The following DYNC2I2 variants were observed in gnomAD, a reference collection of about 807,000 sequenced individuals.
The protein encoded by DYNC2I2 is dynein 2 intermediate chain 2.
DYNC2I2 carries 39 observed loss-of-function variants against 52.0 expected under a neutral mutation model. The observed-to-expected ratio is 0.75, with a 90% CI of 0.58 to 0.98. The LOEUF is 0.98. Ranked by LOEUF, DYNC2I2 falls within the 50% of genes least tolerant of loss-of-function variation. The pLI is 0.00. For missense variants in DYNC2I2, 743 were observed against 728.4 expected (o/e 1.02, Z -0.23); for synonymous variants, 359 against 321.1 (o/e 1.12, Z -1.26).
intron 6 of DYNC2I2, 36 bp from the exon 7 acceptor site, chr9:128,634,957 G>A (rs1860354816): frequency 1.9e-6 from 3 of 1,606,732 alleles, no homozygotes; most frequent in Non-Finnish European, 2.5e-6. Flanking sequence ...TCAGAGCCAA[G>A]GGCATCAGAT....
At chr9:128,681,933 C>G in the DYNC2I2 span, among the ~76,000 whole-genome samples, 5 of 152,136 alleles carry the variant, frequency 3.3e-5, no homozygotes, top group Admixed American at 3.3e-4. Context: ...ATTAGTCACG[C>G]CTAGTGGCGG....
At chr9:128,658,720 A>G (rs375293952), upstream of DYNC2I2, among the ~76,000 whole-genome samples, 3 of 99,812 alleles carry the variant, frequency 3.0e-5, no homozygotes, top group Non-Finnish European at 6.3e-5. Context: ...CACCTGACCT[A>G]ATTTTTTTTT....
intron 8 of DYNC2I2, 41 bp from the exon 9 acceptor site, chr9:128,634,023 G>C: frequency 6.2e-6 from 10 of 1,605,878 alleles, no homozygotes; most frequent in Non-Finnish European, 8.5e-6. Context: ...AGAAACTCTA[G>C]AGACCAACCA....
chr9:128,663,053 C>T, the DYNC2I2 span: 1 of 152,272 alleles, frequency 6.6e-6, no homozygotes. Flanking sequence ...GCCTCAGCCT[C>T]CCAAAGTGCT....
At chr9:128,643,690 C>T (rs1459697950) in intron 1 of DYNC2I2, among the ~76,000 whole-genome samples, 2 of 152,136 alleles carry the variant, frequency 1.3e-5, no homozygotes, top group Non-Finnish European at 1.5e-5. Flanking sequence ...AAGTAAAGCC[C>T]AAGACGACGT....
intron 4 of DYNC2I2, 104 bp from the exon 5 acceptor site, chr9:128,635,871 G>A (rs1018600082): frequency 9.2e-6 from 10 of 1,092,894 alleles, no homozygotes; most frequent in South Asian, 5.7e-5. Context: ...GCCAGGGCCA[G>A]GCGGCAGAGC....
At chr9:128,673,793 A>G in the DYNC2I2 span, among the ~76,000 whole-genome samples, 1 of 146,978 alleles carries the variant, frequency 6.8e-6, no homozygotes, top group Non-Finnish European at 1.5e-5. Flanking sequence ...GGCGTGAGCT[A>G]CCGCACCCAG....
upstream of DYNC2I2, among the ~76,000 whole-genome samples, chr9:128,661,304 C>CAAAAA (rs34937317): frequency 1.6e-5 from 1 of 62,224 alleles, no homozygotes; most frequent in Admixed American, 2.0e-4. Context: ...GACTCCATCT[C>CAAAAA]AAAAAAAAAA....
chr9:128,634,867 C>G lies in DYNC2I2; in HGVS notation c.1036G>C (p.Asp346His). 1.2e-6 allele frequency: 2 copies of G among 1,613,484 alleles called. No homozygotes were observed. The highest frequency in any genetic ancestry group is 1.1e-5 in the South Asian group (1 of 91,060). Residue 346 changes from aspartate (D) to histidine (H), a missense_variant, in exon 7 of 9, where the codon GAC (aspartate) becomes CAC (histidine). Coordinates refer to ENST00000372715, the MANE Select transcript of DYNC2I2 (RefSeq NM_052844.4). The stretch of plus-strand genomic sequence containing the variant: ...GTGCCCAGAATGAACAGCCTAGGGT[C>G]AAAGCTGGAGAAGGCCACTGCCGTG... ...GATAVAFSSF[D>H]PRLFILGTEG...
Position 128,634,374 on chromosome 9 carries a change from G to A in DYNC2I2, c.1224C>T (p.Phe408=). ...CATGCCCGTCAGTCCCAGCGCTCAG[G>A]AAGAGATTCCTAGACGGGATGCAGG... ...VSCSPFHRNL[F]LSAGTDGHVH... Residue 408 remains phenylalanine (F), a synonymous_variant, in exon 8 of 9, where the codon TTC becomes TTT. Coordinates refer to ENST00000372715, the MANE Select transcript of DYNC2I2 (RefSeq NM_052844.4). 6.3e-7 allele frequency: 1 copy of A among 1,591,134 alleles called. No individual in the cohort carries two copies. The highest frequency in any genetic ancestry group is 8.5e-7 in the Non-Finnish European group (1 of 1,169,830).
intron 5 of DYNC2I2, 74 bp downstream of exon 5, chr9:128,635,584 C>T: frequency 7.2e-7 from 1 of 1,382,760 alleles, no homozygotes; most frequent in Non-Finnish European, 1.0e-6. Context: ...CCCGGGTGAC[C>T]TTCCTAGGAG....
At chr9:128,681,931 C>T in the DYNC2I2 span, among the ~76,000 whole-genome samples, 1 of 152,162 alleles carries the variant, frequency 6.6e-6, no homozygotes, top group Non-Finnish European at 1.5e-5. Flanking sequence ...AAATTAGTCA[C>T]GCCTAGTGGC....
In DYNC2I2 at chr9:128,656,747, G is replaced by C; in HGVS notation, c.-21C>G. ...GCCATGGAGACGGTTCCGCCCTCTC[G>C]TGCGGACGCACTCAGGCGCGACCTC... is the stretch of plus-strand genomic sequence containing the variant. On this transcript the variant is annotated 5_prime_UTR_variant, in exon 1 of 9. Transcript: ENST00000372715. 2 of 1,350,416 alleles carry C rather than the reference G, an allele frequency of 1.5e-6. No individual in the cohort carries two copies. The highest frequency in any genetic ancestry group is 3.0e-5 in the East Asian group (1 of 33,454). The allele number at this position is 1,350,416 out of a possible 1,614,324, so 83.7% of individuals were successfully genotyped here. A position where few individuals can be genotyped will look rare whatever the true frequency, so the allele number is the denominator to read the frequency against.
At chr9:128,676,679 C>T in the DYNC2I2 span, among the ~76,000 whole-genome samples, 1 of 151,906 alleles carries the variant, frequency 6.6e-6, no homozygotes, top group African/African-American at 2.4e-5. Flanking sequence ...CTACAGGCAC[C>T]TGTCACCACG....
intron 1 of DYNC2I2, among the ~76,000 whole-genome samples, chr9:128,653,086 C>A (rs149906895): frequency 6.7e-6 from 1 of 148,880 alleles, no homozygotes; most frequent in Non-Finnish European, 1.5e-5. Flanking sequence ...AAAATTAGCC[C>A]AATGTGGTGG....
intron 1 of DYNC2I2, among the ~76,000 whole-genome samples, chr9:128,647,326 CG>C (rs1053069287): frequency 6.6e-6 from 1 of 152,104 alleles, no homozygotes; most frequent in African/African-American, 2.4e-5. Context: ...AAGCCGCCCC[CG>C]GGGGAAGTCA....
chr9:128,644,668 G>A (rs1227325657), intron 1 of DYNC2I2, among the ~76,000 whole-genome samples: 2 of 152,096 alleles, frequency 1.3e-5, no homozygotes, highest in African/African-American at 2.4e-5. Flanking sequence ...AAGCTGGGCC[G>A]CACCACGTGT....
Position 128,656,433 on chromosome 9 carries a change from G to T in DYNC2I2, c.186+108C>A, listed in dbSNP as rs527628285. 4.3e-3 allele frequency: 4,053 copies of T among 943,684 alleles called. 21 individuals are homozygous for T. The highest frequency in any genetic ancestry group is 5.7e-3 in the Admixed American group (121 of 21,258). 58.5% of individuals were successfully genotyped at this position (943,684 alleles called of 1,614,324 possible). ...ACCCGCCCGGCAGCCACGGTGGGAC[G>T]CCCGAACCCGCCCGGCAGCCACGGT... On this transcript the variant is annotated intron_variant, in intron 1 of 8. Coordinates refer to ENST00000372715, the MANE Select transcript of DYNC2I2 (RefSeq NM_052844.4).
chr9:128,671,296 GTCTC>G, the DYNC2I2 span, among the ~76,000 whole-genome samples: 4 of 149,542 alleles, frequency 2.7e-5, no homozygotes, highest in African/African-American at 7.4e-5. Context: ...GTGGGACCCT[GTCTC>G]TCTTTTTTTT....
Sources: allele counts gnomAD v4.1 joint callset (sites outside exome capture counted in the v4.1 genomes callset), GRCh38; gene constraint gnomAD v4.1.1; transcripts MANE v1.5; gene names NCBI Gene and HGNC (gene_info 2026-07-23, HGNC 2026-07-21).